The following PPP1R1C variants were observed in gnomAD, a reference collection of about 807,000 sequenced individuals.
The protein encoded by PPP1R1C is protein phosphatase 1 regulatory inhibitor subunit 1C.
Under a neutral mutation model 17.4 loss-of-function variants are expected in PPP1R1C, and 15 were observed. The observed-to-expected ratio is 0.86, with a 90% CI of 0.58 to 1.33. The LOEUF is 1.33. Ranked by LOEUF, PPP1R1C falls within the 40% of genes most tolerant of loss-of-function variation. The pLI is 0.00. For synonymous variants in PPP1R1C, 35 were observed against 43.1 expected (o/e 0.81, Z 0.73); for missense variants, 143 against 130.0 (o/e 1.10, Z -0.48).
intron 4 of PPP1R1C, among the ~76,000 whole-genome samples, chr2:182,073,964 A>T (rs900264523): frequency 6.6e-6 from 1 of 152,044 alleles, no homozygotes; most frequent in East Asian, 1.9e-4. Flanking sequence ...ATTGCTTGAC[A>T]CGTTGCCATA....
chr2:182,044,234 A>C (rs765668361), intron 2 of PPP1R1C, among the ~76,000 whole-genome samples: 2 of 152,188 alleles, frequency 1.3e-5, no homozygotes, highest in Non-Finnish European at 2.9e-5. Flanking sequence ...AAATCTGGTC[A>C]TGCCTCTTTC....
chr2:182,008,063 G>A (rs62192111), intron 2 of PPP1R1C, among the ~76,000 whole-genome samples: 6 of 141,092 alleles, frequency 4.3e-5, no homozygotes, highest in East Asian at 2.1e-4. Flanking sequence ...GCGAGACTCC[G>A]TCTCAAAAAA....
chr2:182,076,520 G>T (rs1436372767), intron 4 of PPP1R1C, among the ~76,000 whole-genome samples: 1 of 151,866 alleles, frequency 6.6e-6, no homozygotes, highest in Non-Finnish European at 1.5e-5. Flanking sequence ...TCAGGAGAAT[G>T]GAGGGAAAGA....
chr2:182,009,918 A>G (rs1456341863), intron 2 of PPP1R1C, among the ~76,000 whole-genome samples: 1 of 152,148 alleles, frequency 6.6e-6, no homozygotes, highest in African/African-American at 2.4e-5. Context: ...ACTTTGGTCA[A>G]AAATGAATTC....
chr2:182,001,572 T>C (rs964790564), intron 2 of PPP1R1C, among the ~76,000 whole-genome samples: 1 of 152,108 alleles, frequency 6.6e-6, no homozygotes, highest in African/African-American at 2.4e-5. Flanking sequence ...GTGAACTTGG[T>C]ATGTGCCCAG....
intron 4 of PPP1R1C, among the ~76,000 whole-genome samples, chr2:182,067,313 T>A (rs1017759551): frequency 2.0e-5 from 3 of 152,122 alleles, no homozygotes; most frequent in Non-Finnish European, 4.4e-5. Flanking sequence ...TGAAGCTTTT[T>A]TTTTTCTCCA....
Position 182,076,197 on chromosome 2 carries a change from C to CTTTTTTTTTTTTTTTTTTTTTT in PPP1R1C, c.241+12426_241+12447dup, listed in dbSNP as rs1165789924. Among the ~76,000 whole-genome samples, 78 of 25,862 alleles carry CTTTTTTTTTTTTTTTTTTTTTT rather than the reference C, an allele frequency of 3.0e-3. 25 individuals are homozygous for CTTTTTTTTTTTTTTTTTTTTTT. The highest frequency in any genetic ancestry group is 3.3e-3 in the Non-Finnish European group (54 of 16,606). 17.0% of individuals were successfully genotyped at this position (25,862 alleles called of 152,430 possible). Reference sequence around the variant, plus strand: ...GATTTTGAACTTTTTTTTTTCTTTTCTTTTTTTTTTTTTTTTTTTTTTTTT... The same window carrying CTTTTTTTTTTTTTTTTTTTTTT: ...GATTTTGAACTTTTTTTTTTCTTTTCTTTTTTTTTTTTTTTTTTTTTTTTTTTTTTTTTTTTTTTTTTTTTTT... On this transcript the variant is annotated intron_variant, in intron 4 of 4. Transcript: ENST00000682840.
chr2:181,995,148 A>G (rs1385065644), intron 2 of PPP1R1C, among the ~76,000 whole-genome samples: 5 of 152,234 alleles, frequency 3.3e-5, no homozygotes, highest in Non-Finnish European at 5.9e-5. Flanking sequence ...TTTTGTAGTA[A>G]AAACAATAGT....
chr2:182,099,510 A>G (rs1291561213), intron 4 of PPP1R1C, among the ~76,000 whole-genome samples: 2 of 152,216 alleles, frequency 1.3e-5, no homozygotes, highest in South Asian at 2.1e-4. Flanking sequence ...GGCTGTGACC[A>G]TAATACAAGG....
intron 2 of PPP1R1C, among the ~76,000 whole-genome samples, chr2:182,049,107 C>T (rs1044555534): frequency 2.6e-5 from 4 of 152,066 alleles, no homozygotes; most frequent in South Asian, 4.2e-4. Context: ...CTGAGGCAGG[C>T]GGATCACCTG....
rs115742524 is a variant in PPP1R1C, at chr2:182,063,813, G to T, written c.241+22G>T. 423 of 1,604,554 alleles carry T rather than the reference G, an allele frequency of 2.6e-4. 1 individual carries two copies. The African/African-American group carries it at 5.2e-3, about 20-fold the overall frequency. ...AAAGGTACTGTTCAGGTACTGTTTC[G>T]GGTTGTCATGAGTGGTGAATCATGG... On this transcript the variant is annotated intron_variant, in intron 4 of 4. Coordinates refer to ENST00000682840, the MANE Select transcript of PPP1R1C (RefSeq NM_001080545.3).
At chr2:182,074,793 A>G (rs1051988735) in intron 4 of PPP1R1C, among the ~76,000 whole-genome samples, 2 of 152,214 alleles carry the variant, frequency 1.3e-5, no homozygotes, top group Non-Finnish European at 2.9e-5. Context: ...GCAGAACTAG[A>G]TGCACTCTTT....
At chr2:182,113,505 C>T (rs1689498305) in intron 4 of PPP1R1C, among the ~76,000 whole-genome samples, 1 of 152,062 alleles carries the variant, frequency 6.6e-6, no homozygotes, top group African/African-American at 2.4e-5. Flanking sequence ...AAAGTCTGAC[C>T]AACACGTGGT....
intron 2 of PPP1R1C, among the ~76,000 whole-genome samples, chr2:182,059,435 A>G (rs898027227): frequency 6.6e-6 from 1 of 151,828 alleles, no homozygotes; most frequent in Non-Finnish European, 1.5e-5. Flanking sequence ...TTCATGTGGG[A>G]TCCAGTTTCC....
chr2:182,049,170 T>C (rs1350365288), intron 2 of PPP1R1C, among the ~76,000 whole-genome samples: 2 of 151,774 alleles, frequency 1.3e-5, no homozygotes, highest in African/African-American at 4.8e-5. Context: ...CCATCTCTAC[T>C]AATACAAAAG....
chr2:181,977,643 A>G (rs2125135823), intron 2 of PPP1R1C, among the ~76,000 whole-genome samples: 1 of 152,270 alleles, frequency 6.6e-6, no homozygotes, highest in African/African-American at 2.4e-5. Context: ...GACACTTTAA[A>G]AAGTGTGGTG....
chr2:182,044,225 A>T (rs1263734144), intron 2 of PPP1R1C, among the ~76,000 whole-genome samples: 2 of 152,178 alleles, frequency 1.3e-5, no homozygotes, highest in Non-Finnish European at 1.5e-5. Flanking sequence ...CTACGAAAGA[A>T]ATCTGGTCAT....
intron 2 of PPP1R1C, among the ~76,000 whole-genome samples, chr2:182,032,831 T>G (rs116551440): frequency 0.019 from 2,836 of 152,322 alleles, 75 homozygotes; most frequent in African/African-American, 0.065. Context: ...CGATAAATAT[T>G]AATGCTTTCT....
At chr2:182,130,980 A>G (rs987821291), downstream of PPP1R1C, 20 of 152,234 alleles carry the variant, frequency 1.3e-4, no homozygotes, top group Admixed American at 3.3e-4. Flanking sequence ...GAAGGAGTTA[A>G]TTGGAACTGG....
Sources: allele counts gnomAD v4.1 joint callset (sites outside exome capture counted in the v4.1 genomes callset), GRCh38; gene constraint gnomAD v4.1.1; transcripts MANE v1.5; gene names NCBI Gene and HGNC (gene_info 2026-07-23, HGNC 2026-07-21).